Variants in IMPG1 observed in about 807,000 individuals in gnomAD.
IMPG1 encodes interphotoreceptor matrix proteoglycan 1.
A neutral mutation model predicts 92.0 loss-of-function variants in IMPG1; 85 were observed. The observed-to-expected ratio is 0.92, with a 90% CI of 0.78 to 1.11. The LOEUF (loss-of-function observed/expected upper bound fraction) is 1.11. Among genes scored for constraint, IMPG1 ranks in the 50% least tolerant of loss-of-function variants. The probability of loss-of-function intolerance (pLI) is 0.00; values close to 1 mark genes in which losing one functional copy is unlikely to be tolerated. For synonymous variants in IMPG1, 367 were observed against 334.1 expected (o/e 1.10, Z -1.08); for missense variants, 1,022 against 956.0 (o/e 1.07, Z -0.91).
At chr6:76,018,601 G>A in intron 7 of IMPG1, 117 bp downstream of exon 7, 2 of 940,272 alleles carry the variant, frequency 2.1e-6, no homozygotes, top group East Asian at 5.5e-5. Context: ...TCTTTTAAAT[G>A]GTTAAACATG....
intron 12 of IMPG1, among the ~76,000 whole-genome samples, chr6:75,969,817 A>C (rs950403541): frequency 6.6e-6 from 1 of 152,190 alleles, no homozygotes; most frequent in Non-Finnish European, 1.5e-5. Flanking sequence ...AAACGTATCT[A>C]TATTCTAAGA....
intron 1 of IMPG1, among the ~76,000 whole-genome samples, chr6:76,043,926 GA>G (rs1275403460): frequency 3.3e-5 from 5 of 152,208 alleles, no homozygotes; most frequent in Non-Finnish European, 5.9e-5. Context: ...CATTCATGTT[GA>G]AAAATAGCCT....
chr6:76,025,560 T>C (rs1783511573), intron 4 of IMPG1, among the ~76,000 whole-genome samples: 1 of 152,176 alleles, frequency 6.6e-6, no homozygotes, highest in Non-Finnish European at 1.5e-5. Flanking sequence ...TCTAATGTTG[T>C]AGTTCCATTC....
chr6:75,980,523 A>G (rs1782609480), intron 12 of IMPG1, among the ~76,000 whole-genome samples: 1 of 152,192 alleles, frequency 6.6e-6, no homozygotes, highest in Non-Finnish European at 1.5e-5. Context: ...CCATCCAAAA[A>G]CTGCCAGCGT....
At chr6:76,017,207 A>T (rs1283141194) in intron 7 of IMPG1, among the ~76,000 whole-genome samples, 2 of 152,104 alleles carry the variant, frequency 1.3e-5, no homozygotes, top group African/African-American at 4.8e-5. Flanking sequence ...AAAAAAAAAA[A>T]AAAGGCAGAG....
At chr6:76,012,947 C>A (rs1261742232) in intron 7 of IMPG1, among the ~76,000 whole-genome samples, 1 of 152,116 alleles carries the variant, frequency 6.6e-6, no homozygotes, top group Admixed American at 6.5e-5. Context: ...CTCCCACCCC[C>A]CACATGCAGC....
intron 12 of IMPG1, 45 bp from the exon 13 acceptor site, chr6:75,951,139 G>A: frequency 2.1e-6 from 3 of 1,418,498 alleles, no homozygotes; most frequent in South Asian, 1.4e-5. Flanking sequence ...ATTCCCCAAA[G>A]AATAGAAAGT....
At chr6:75,923,026 G>A (rs564145904) in intron 16 of IMPG1, among the ~76,000 whole-genome samples, 5 of 151,650 alleles carry the variant, frequency 3.3e-5, no homozygotes, top group Non-Finnish European at 7.4e-5. Flanking sequence ...GATTGTCCAA[G>A]GTTTTTTCCC....
intron 1 of IMPG1, among the ~76,000 whole-genome samples, chr6:76,050,625 A>G (rs1286663216): frequency 6.6e-6 from 1 of 152,006 alleles, no homozygotes; most frequent in Non-Finnish European, 1.5e-5. Context: ...AGAGCTTATT[A>G]TTTTTTTCCT....
In IMPG1 at chr6:75,964,702, A is replaced by AGG. The variant is rs1782275172; in HGVS notation, c.1292-13609_1292-13608insCC. Among the ~76,000 whole-genome samples the AGG allele has an allele frequency of 2.0e-5, 3 of 150,016 alleles. No homozygotes were observed. The South Asian group carries it at 6.4e-4, about 32-fold the overall frequency. On this transcript the variant is annotated intron_variant, in intron 12 of 16. Coordinates refer to ENST00000369950, the MANE Select transcript of IMPG1 (RefSeq NM_001563.4). ...AAAAAAAAAAAAAAAAAAGAGAGAGAGAAAAATGAAAAAATAATATAGAGA... is the reference window on the plus strand; with the variant it reads ...AAAAAAAAAAAAAAAAAAGAGAGAGAGGGAAAAATGAAAAAATAATATAGAGA...
intron 4 of IMPG1, among the ~76,000 whole-genome samples, chr6:76,026,867 G>T (rs1248644074): frequency 6.6e-6 from 1 of 152,092 alleles, no homozygotes; most frequent in African/African-American, 2.4e-5. Context: ...TACATCCTGA[G>T]GGCATGGCTT....
intron 12 of IMPG1, among the ~76,000 whole-genome samples, chr6:75,990,431 A>G (rs1476664024): frequency 6.6e-6 from 1 of 152,110 alleles, no homozygotes; most frequent in East Asian, 1.9e-4. Context: ...TCCCTCTGAG[A>G]TTGATGGGAC....
In IMPG1 at chr6:76,020,698, G is replaced by A. The variant is rs117347475; in HGVS notation, c.666+1418C>T. On this transcript the variant is annotated intron_variant, in intron 6 of 16. Transcript: ENST00000369950. ...TGTGCAGCCAAAGCTCTACACACATGGCTAATGAGTGAGGACTAAGCTCTG... is the reference window on the plus strand; with the variant it reads ...TGTGCAGCCAAAGCTCTACACACATAGCTAATGAGTGAGGACTAAGCTCTG... 5.6e-3 allele frequency among the ~76,000 whole-genome samples: 858 copies of A among 152,218 alleles called. 32 individuals carry two copies. The East Asian group carries it at 0.09, about 16-fold the overall frequency.
chr6:75,989,072 C>T (rs139009184), intron 12 of IMPG1, among the ~76,000 whole-genome samples: 1 of 152,280 alleles, frequency 6.6e-6, no homozygotes, highest in African/African-American at 2.4e-5. Context: ...GTTCTCTCAG[C>T]TGTAACATTT....
chr6:76,018,674 C>T, intron 7 of IMPG1, 44 bp downstream of exon 7: 1 of 1,575,056 alleles, frequency 6.3e-7, no homozygotes, highest in Non-Finnish European at 8.7e-7. Context: ...TCCCACCTCT[C>T]AGTCACAGCT....
At chr6:75,958,899 G>A (rs753697917) in intron 12 of IMPG1, among the ~76,000 whole-genome samples, 16 of 151,914 alleles carry the variant, frequency 1.1e-4, no homozygotes, top group Admixed American at 5.9e-4. Flanking sequence ...CTCATTCTCC[G>A]TCCAGTTTTG....
chr6:75,998,451 A>G (rs1782935288), intron 12 of IMPG1, among the ~76,000 whole-genome samples: 1 of 152,214 alleles, frequency 6.6e-6, no homozygotes, highest in Non-Finnish European at 1.5e-5. Context: ...CTGAGATGAG[A>G]CAAAGAAAAG....
chr6:76,019,697 C>T (rs1176818683), intron 6 of IMPG1, among the ~76,000 whole-genome samples: 2 of 152,198 alleles, frequency 1.3e-5, no homozygotes, highest in Admixed American at 6.5e-5. Context: ...AAAAAACACA[C>T]ATTGAGCATC....
intron 1 of IMPG1, among the ~76,000 whole-genome samples, chr6:76,071,216 G>T (rs1009235809): frequency 2.0e-5 from 3 of 148,210 alleles, no homozygotes; most frequent in Non-Finnish European, 4.5e-5. Context: ...GTGTATAATA[G>T]CTGATATGCA....
Sources: allele counts gnomAD v4.1 joint callset (sites outside exome capture counted in the v4.1 genomes callset), GRCh38; gene constraint gnomAD v4.1.1; transcripts MANE v1.5; gene names NCBI Gene and HGNC (gene_info 2026-07-23, HGNC 2026-07-21).